LRRC56: variants seen among roughly 807,000 people sequenced by gnomAD.
LRRC56 encodes the protein leucine rich repeat containing 56, also known as leucine-rich repeat-containing protein 56.
LRRC56 carries 41 observed loss-of-function variants against 47.8 expected under a neutral mutation model. The observed-to-expected ratio is 0.86, with a 90% CI of 0.67 to 1.11. The LOEUF is 1.11. Among genes scored for constraint, LRRC56 ranks in the 50% most tolerant of loss-of-function variants. LRRC56 has a pLI of 0.00. For missense variants in LRRC56, 759 were observed against 704.2 expected (o/e 1.08, Z -0.88); for synonymous variants, 387 against 311.2 (o/e 1.24, Z -2.56).
intron 6 of LRRC56, among the ~76,000 whole-genome samples, chr11:548,606 C>T (rs1287072318): frequency 1.3e-5 from 2 of 152,010 alleles, no homozygotes; most frequent in African/African-American, 2.4e-5. Context: ...TACAGGCACC[C>T]GCCACCACGC....
chr11:532,380 G>A, the LRRC56 span: 1 of 586,496 alleles, frequency 1.7e-6, no homozygotes, highest in Non-Finnish European at 3.0e-6. Context: ...TCCCTGGGAG[G>A]GTCTGCAGTC....
At chr11:510,686 C>T in the LRRC56 span, among the ~76,000 whole-genome samples, 6 of 151,652 alleles carry the variant, frequency 4.0e-5, no homozygotes, top group Admixed American at 3.3e-4. Context: ...TCTGGTGAGC[C>T]GAGATCACGC....
chr11:553,898 C>T (rs1423197063), intron 13 of LRRC56, 65 bp from the exon 14 acceptor site: 3 of 1,482,728 alleles, frequency 2.0e-6, no homozygotes, highest in African/African-American at 1.4e-5. Flanking sequence ...GCTGTGGCCT[C>T]CCCACCGGGT....
chr11:537,210 G>C (rs1348715298), upstream of LRRC56: 2 of 152,282 alleles, frequency 1.3e-5, no homozygotes, highest in African/African-American at 2.4e-5. Flanking sequence ...GAAGCGCCAG[G>C]ATCGCGAGGA....
At chr11:523,285 T>TCC in the LRRC56 span, among the ~76,000 whole-genome samples, 151,815 of 151,818 alleles carry the variant, frequency 1, 75,906 homozygotes, top group Middle Eastern at 1. Flanking sequence ...CGCTTTGGTC[T>TCC]CAAAGGCGGG....
the LRRC56 span, chr11:532,409 G>A: frequency 6.5e-5 from 42 of 642,188 alleles, no homozygotes; most frequent in Admixed American, 2.7e-4. Context: ...CCACGGTCCC[G>A]GGGTGACTGG....
upstream of LRRC56, chr11:535,354 G>T (rs1851422942): frequency 6.8e-6 from 1 of 146,272 alleles, no homozygotes; most frequent in East Asian, 2.0e-4. Context: ...CGCGCCGCGC[G>T]TATTGCTGCC....
At chr11:545,382 T>C (rs1194647023) in intron 6 of LRRC56, among the ~76,000 whole-genome samples, 1 of 152,164 alleles carries the variant, frequency 6.6e-6, no homozygotes, top group Non-Finnish European at 1.5e-5. Context: ...GGCTGCACCA[T>C]GAGGCCACGA....
the LRRC56 span, among the ~76,000 whole-genome samples, chr11:507,544 C>A: frequency 2.0e-5 from 3 of 152,136 alleles, no homozygotes; most frequent in Non-Finnish European, 4.4e-5. Flanking sequence ...TCAGCAATTC[C>A]TGAGAATCCT....
the LRRC56 span, among the ~76,000 whole-genome samples, chr11:518,996 G>A: frequency 6.6e-6 from 1 of 152,286 alleles, no homozygotes; most frequent in South Asian, 2.1e-4. Flanking sequence ...TTACGAGGGC[G>A]CGCGAGGCGC....
rs1852307855 is a variant in LRRC56 at position 550,152 on chromosome 11, G to A, written c.504G>A (p.Glu168=). The change falls in exon 8 of 14, where the codon GAG becomes GAA. Residue 168 remains glutamate, a synonymous_variant. Coordinates refer to ENST00000270115, the MANE Select transcript of LRRC56 (RefSeq NM_198075.4). ...LLEQLEVLDL[E]GNSVEDLGQV... is the part of the protein sequence containing the mutation. The stretch of plus-strand genomic sequence containing the variant: ...AACAATTGGAGGTGCTGGACCTGGA[G>A]GGCAACAGCGTGGAGGACCTGGGGC... The A allele has an allele frequency of 6.2e-7, 1 of 1,613,510 alleles. No homozygotes were observed. The highest frequency in any genetic ancestry group is 1.1e-5 in the South Asian group (1 of 91,070).
intron 13 of LRRC56, among the ~76,000 whole-genome samples, 164 bp from the exon 14 acceptor site, chr11:553,799 G>A (rs1852581616): frequency 6.6e-6 from 1 of 152,164 alleles, no homozygotes; most frequent in Non-Finnish European, 1.5e-5. Context: ...GGGGTCACAG[G>A]GCTGGGAACA....
upstream of LRRC56, chr11:535,493 C>A: frequency 6.8e-6 from 1 of 147,438 alleles, no homozygotes; most frequent in South Asian, 1.9e-4. Context: ...GCGCGCGGTT[C>A]GCCCCGCGCA....
At chr11:511,537 G>T in the LRRC56 span, among the ~76,000 whole-genome samples, 10 of 152,236 alleles carry the variant, frequency 6.6e-5, no homozygotes, top group African/African-American at 2.4e-4. Flanking sequence ...CTGCCACTTA[G>T]CAGGAGGAGC....
chr11:517,203 T>C, the LRRC56 span, among the ~76,000 whole-genome samples: 1 of 152,216 alleles, frequency 6.6e-6, no homozygotes, highest in Non-Finnish European at 1.5e-5. Context: ...CGCCACAACC[T>C]CTACCTTCCA....
chr11:542,683 C>T (rs762114074), intron 5 of LRRC56, among the ~76,000 whole-genome samples: 7 of 151,484 alleles, frequency 4.6e-5, no homozygotes, highest in African/African-American at 1.5e-4. Context: ...CCCTCCCGTG[C>T]GTGCACAGCG....
chr11:509,714 ATTTTTTT>A, the LRRC56 span, among the ~76,000 whole-genome samples: 5 of 125,208 alleles, frequency 4.0e-5, no homozygotes, highest in African/African-American at 9.1e-5. Flanking sequence ...CGCCCGGCTA[ATTTTTTT>A]TTTTTTTTTT....
chr11:535,043 G>A (rs1851381732), upstream of LRRC56, among the ~76,000 whole-genome samples: 1 of 152,096 alleles, frequency 6.6e-6, no homozygotes, highest in Admixed American at 6.5e-5. Context: ...CCTGGTCCGC[G>A]ACCTGTGATG....
At chr11:531,457 G>C in the LRRC56 span, among the ~76,000 whole-genome samples, 2 of 152,194 alleles carry the variant, frequency 1.3e-5, no homozygotes, top group Admixed American at 6.5e-5. Flanking sequence ...GCCAGACCTA[G>C]AACTTGGCCC....
Sources: gnomAD v4.1 joint callset for allele counts (sites outside exome capture counted in the v4.1 genomes callset) on GRCh38, gnomAD v4.1.1 for gene constraint, MANE v1.5 for transcripts, NCBI Gene and HGNC (gene_info 2026-07-23, HGNC 2026-07-21) for gene names.